The following RFX2 variants were observed in gnomAD, a reference collection of about 807,000 sequenced individuals.
RFX2 encodes DNA-binding protein RFX2.
In RFX2, 20 loss-of-function variants were observed where a neutral mutation model predicts 87.8. The observed-to-expected ratio is 0.23, with a 90% CI of 0.16 to 0.33. RFX2 has a LOEUF of 0.33. Among genes scored for constraint, RFX2 ranks in the 10% least tolerant of loss-of-function variants. The pLI is 1.00. For missense variants in RFX2, 767 were observed against 1,012.3 expected, an observed-to-expected ratio of 0.76 and a Z score of 3.29; for synonymous variants, 397 against 431.3, an observed-to-expected ratio of 0.92 and a Z score of 0.98.
chr19:6,087,936 T>C (rs1292579344), intron 1 of RFX2, among the ~76,000 whole-genome samples: 2 of 152,150 alleles, frequency 1.3e-5, no homozygotes, highest in African/African-American at 2.4e-5. Flanking sequence ...TACATCATCA[T>C]CTAGAGCAGT....
chr19:5,995,375 G>A (rs930077652), intron 17 of RFX2, among the ~76,000 whole-genome samples: 4 of 152,152 alleles, frequency 2.6e-5, no homozygotes, highest in African/African-American at 4.8e-5. Flanking sequence ...CCTGGGCAGC[G>A]GCTACCCAGA....
rs892440701 is a variant in RFX2 at position 6,075,119 on chromosome 19, C to A, written c.-8-27615G>T. On this transcript the variant is annotated intron_variant, in intron 1 of 17. Coordinates refer to ENST00000303657, the MANE Select transcript of RFX2 (RefSeq NM_000635.4). ...AAGCCCTCACCAGAACCTGACCCTG[C>A]TGGCACCCTCTTCTCAGACTTCCCA... Among the ~76,000 whole-genome samples the A allele has an allele frequency of 2.6e-5, 4 of 152,206 alleles. No homozygotes were observed. In the East Asian group the frequency reaches 5.8e-4, roughly 22 times the overall value.
Position 6,045,195 on chromosome 19 carries a change from A to G in RFX2, c.91-913T>C, listed in dbSNP as rs541776637. ...TGCAGGAGTGGAGCTAAGGATGAAG[A>G]TGGTGCTAATAAGGATGCCAGCGCA... On this transcript the variant is annotated intron_variant, in intron 2 of 17. Coordinates refer to ENST00000303657, the MANE Select transcript of RFX2 (RefSeq NM_000635.4). This position sits in a 1 kb window ranked among gnomAD's most constrained non-coding sequence, Gnocchi z 5.2. Among the ~76,000 whole-genome samples the G allele has an allele frequency of 2.6e-5, 4 of 152,284 alleles. No homozygotes were observed. Among genetic ancestry groups the G allele is most frequent in the Non-Finnish European group, 5.9e-5 (4 of 68,008 alleles).
intron 1 of RFX2, among the ~76,000 whole-genome samples, chr19:6,065,258 G>C (rs2087492686): frequency 6.6e-6 from 1 of 152,190 alleles, no homozygotes; most frequent in Non-Finnish European, 1.5e-5. Context: ...CTTTGTGTAA[G>C]TCAGACCTTA....
chr19:5,994,709 C>T lies in RFX2; in HGVS notation c.*126G>A, dbSNP rs1021551630. 2.9e-5 allele frequency: 19 copies of T among 658,452 alleles called. No individual in the cohort carries two copies. Among genetic ancestry groups the T allele is most frequent in the Non-Finnish European group, 4.2e-5 (16 of 380,872 alleles). The allele number at this position is 658,452 out of a possible 1,614,324, so 40.8% of individuals were successfully genotyped here. ...CTTGAACACTGACCCCGGGAGCCCC[C>T]GCTTGAGTCAAAGTAAACATCACAT... On this transcript the variant is annotated 3_prime_UTR_variant, in exon 18 of 18. Transcript: ENST00000303657.
intron 13 of RFX2, among the ~76,000 whole-genome samples, chr19:6,003,704 G>A (rs764562578): frequency 8.8e-5 from 13 of 148,144 alleles, no homozygotes; most frequent in Non-Finnish European, 1.9e-4. Context: ...GCTTGAACCC[G>A]GGAGGCAGAC....
intron 1 of RFX2, among the ~76,000 whole-genome samples, chr19:6,105,849 G>C (rs1288648935): frequency 1.3e-5 from 2 of 152,096 alleles, no homozygotes; most frequent in Admixed American, 1.3e-4. Context: ...ACGAGTTTGG[G>C]GGGTGCTTTG....
Position 6,010,259 on chromosome 19 carries a change from A to G in RFX2, c.900-8T>C. ...TTCTGGGCTGGCCGGTACCTAGGCC[A>G]GGAACACGCATACCATCATGAGGCC... is the stretch of plus-strand genomic sequence containing the variant. On this transcript the variant is annotated splice_polypyrimidine_tract_variant and splice_region_variant and intron_variant, in intron 8 of 17. Transcript: ENST00000303657. This position sits in a 1 kb window ranked among gnomAD's most constrained non-coding sequence, Gnocchi z 5.0. The G allele has an allele frequency of 6.5e-7, 1 of 1,533,910 alleles. No homozygotes were observed.
Position 6,030,368 on chromosome 19 carries a change from G to A in RFX2, c.523-4131C>T, listed in dbSNP as rs145290422. 4.6e-3 allele frequency among the ~76,000 whole-genome samples: 705 copies of A among 152,152 alleles called. 3 individuals carry two copies. The highest frequency in any genetic ancestry group is 6.7e-3 in the Admixed American group (102 of 15,286). On this transcript the variant is annotated intron_variant, in intron 5 of 17. Coordinates refer to ENST00000303657, the MANE Select transcript of RFX2 (RefSeq NM_000635.4). ...CGACTTAATCAAAGTGCCAGAAAGC[G>A]GAAAAACCCACATGTCAATGAGCAG...
chr19:6,025,103 C>A (rs988679529), intron 6 of RFX2, among the ~76,000 whole-genome samples: 1 of 152,190 alleles, frequency 6.6e-6, no homozygotes, highest in African/African-American at 2.4e-5. Flanking sequence ...GATGGCCCGT[C>A]CCAGTGTTAA....
chr19:6,104,281 T>A (rs1456778606), intron 1 of RFX2, among the ~76,000 whole-genome samples: 8 of 151,968 alleles, frequency 5.3e-5, no homozygotes, highest in Admixed American at 6.6e-5. Flanking sequence ...TTAAAAAAAA[T>A]TTTTTTGGCC....
chr19:6,084,427 A>C (rs2087827804), intron 1 of RFX2, among the ~76,000 whole-genome samples: 1 of 152,104 alleles, frequency 6.6e-6, no homozygotes, highest in African/African-American at 2.4e-5. Context: ...CATTAAGCAC[A>C]CTCACACTGT....
chr19:6,067,278 T>C (rs1430914946), intron 1 of RFX2, among the ~76,000 whole-genome samples: 1 of 151,854 alleles, frequency 6.6e-6, no homozygotes, highest in Non-Finnish European at 1.5e-5. Context: ...AACAGAGGAG[T>C]TGATACCAAA....
chr19:6,029,256 CAAA>C (rs549438410), intron 5 of RFX2, among the ~76,000 whole-genome samples: 1 of 94,422 alleles, frequency 1.1e-5, no homozygotes, highest in East Asian at 2.7e-4. Context: ...ATGAGGCACG[CAAA>C]AAAAAAAAAA....
At chr19:6,052,167 A>G (rs935523905) in intron 1 of RFX2, among the ~76,000 whole-genome samples, 10 of 152,100 alleles carry the variant, frequency 6.6e-5, no homozygotes, top group African/African-American at 2.4e-4. Context: ...TGAGCGCCAC[A>G]CTCAGCCTGC....
chr19:6,082,587 C>T (rs921528112), intron 1 of RFX2, among the ~76,000 whole-genome samples: 9 of 152,118 alleles, frequency 5.9e-5, no homozygotes, highest in African/African-American at 1.9e-4. Flanking sequence ...CGTGCACCAC[C>T]ACTCTCAGCT....
rs2086443187 is a variant in RFX2 at position 5,998,175 on chromosome 19, G to T, written c.1860-962C>A. Among the ~76,000 whole-genome samples the T allele has an allele frequency of 6.6e-6, 1 of 152,172 alleles. No homozygotes were observed. Among genetic ancestry groups the T allele is most frequent in the Non-Finnish European group, 1.5e-5 (1 of 68,026 alleles). On this transcript the variant is annotated intron_variant, in intron 15 of 17. Transcript: ENST00000303657. This position sits in a 1 kb window ranked among gnomAD's most constrained non-coding sequence, Gnocchi z 4.2. ...ATACAAAAATTAGTGAGGCATGGTGGCACATGCCTGTAATCCCAGCTACTC... is the reference window on the plus strand; with the variant it reads ...ATACAAAAATTAGTGAGGCATGGTGTCACATGCCTGTAATCCCAGCTACTC...
rs1157543875 is a variant in RFX2 at position 6,021,035 on chromosome 19, G to C, written c.598-4764C>G. 6.6e-6 allele frequency among the ~76,000 whole-genome samples: 1 copy of C among 152,204 alleles called. No homozygotes were observed. The highest frequency in any genetic ancestry group is 1.5e-5 in the Non-Finnish European group (1 of 68,042). On this transcript the variant is annotated intron_variant, in intron 6 of 17. Coordinates refer to ENST00000303657, the MANE Select transcript of RFX2 (RefSeq NM_000635.4). This position sits in a 1 kb window ranked among gnomAD's most constrained non-coding sequence, Gnocchi z 5.7. ...CCCCTGTGGACAGATATCCTCACCT[G>C]CCGGTGGGAAGGCAGGGATCATGCC...
At chr19:6,065,890 A>G (rs1197340662) in intron 1 of RFX2, among the ~76,000 whole-genome samples, 1 of 150,856 alleles carries the variant, frequency 6.6e-6, no homozygotes, top group East Asian at 2.0e-4. Context: ...TTGCTGCATT[A>G]GTCAGATTGC....
Sources: allele counts gnomAD v4.1 joint callset (sites outside exome capture counted in the v4.1 genomes callset), GRCh38; gene constraint gnomAD v4.1.1; non-coding constraint Gnocchi (gnomAD v3.1); transcripts MANE v1.5; gene names NCBI Gene and HGNC (gene_info 2026-07-23, HGNC 2026-07-21).